Variants in NELL1 observed in about 807,000 individuals in gnomAD.
The protein encoded by NELL1 is protein kinase C-binding protein NELL1.
In NELL1, 76 loss-of-function variants were observed where a neutral mutation model predicts 107.4. The observed-to-expected ratio is 0.71, with a 90% CI of 0.59 to 0.86. NELL1 has a LOEUF of 0.86. Among genes scored for constraint, NELL1 ranks in the 40% least tolerant of loss-of-function variants. The pLI, the probability that NELL1 is intolerant of heterozygous loss-of-function variation, is 0.00. For synonymous variants in NELL1, 353 were observed against 341.2 expected (o/e 1.03, Z -0.38); for missense variants, 1,024 against 1,005.5 (o/e 1.02, Z -0.25).
At chr11:20,709,063 T>C (rs1334720295) in intron 2 of NELL1, among the ~76,000 whole-genome samples, 3 of 152,200 alleles carry the variant, frequency 2.0e-5, no homozygotes, top group Non-Finnish European at 4.4e-5. Flanking sequence ...TAATGCTTGC[T>C]TCTTTACTGC....
At chr11:21,527,146 C>A (rs1855875433) in intron 15 of NELL1, among the ~76,000 whole-genome samples, 1 of 152,182 alleles carries the variant, frequency 6.6e-6, no homozygotes, top group African/African-American at 2.4e-5. Flanking sequence ...TTCCACAGAT[C>A]TCTAGGGCAG....
intron 15 of NELL1, among the ~76,000 whole-genome samples, chr11:21,392,688 T>C (rs577017064): frequency 6.6e-6 from 1 of 151,866 alleles, no homozygotes; most frequent in Non-Finnish European, 1.5e-5. Flanking sequence ...ACAATAATAA[T>C]ATAACTGACC....
chr11:20,804,650 T>G (rs1029808800), intron 3 of NELL1, among the ~76,000 whole-genome samples: 2 of 152,244 alleles, frequency 1.3e-5, no homozygotes, highest in African/African-American at 4.8e-5. Flanking sequence ...AGAAGATACT[T>G]CATGTTATTT....
intron 5 of NELL1, among the ~76,000 whole-genome samples, chr11:20,908,014 G>T (rs755610319): frequency 6.6e-6 from 1 of 152,020 alleles, no homozygotes; most frequent in Non-Finnish European, 1.5e-5. Flanking sequence ...ACCATCTTAC[G>T]CCAGTCAGAA....
chr11:20,705,134 G>A (rs7943497), intron 2 of NELL1, among the ~76,000 whole-genome samples: 128,907 of 152,146 alleles, frequency 0.85, 55,035 homozygotes, highest in Non-Finnish European at 0.87. Context: ...GCTACCAATG[G>A]CTTTCTTCAC....
chr11:20,749,468 G>A (rs1189684017), intron 2 of NELL1, among the ~76,000 whole-genome samples: 3 of 152,002 alleles, frequency 2.0e-5, no homozygotes, highest in African/African-American at 7.2e-5. Flanking sequence ...AGGCATAGTG[G>A]TATGTGCTTG....
At chr11:20,924,779 T>C (rs1452766353) in intron 7 of NELL1, among the ~76,000 whole-genome samples, 4 of 152,204 alleles carry the variant, frequency 2.6e-5, no homozygotes. Context: ...TCCAAGGTCA[T>C]ATATCTGTTA....
chr11:20,848,355 G>T (rs1469686426), intron 4 of NELL1, among the ~76,000 whole-genome samples: 2 of 152,124 alleles, frequency 1.3e-5, no homozygotes, highest in Admixed American at 6.5e-5. Context: ...TTTGGGTTGG[G>T]GTGGGATGGA....
At chr11:21,147,000 C>A (rs138561572) in intron 13 of NELL1, among the ~76,000 whole-genome samples, 1 of 152,166 alleles carries the variant, frequency 6.6e-6, no homozygotes, top group Admixed American at 6.5e-5. Context: ...GCCAAGATTG[C>A]ACCACTGCGC....
At chr11:20,715,451 T>G (rs34644836) in intron 2 of NELL1, among the ~76,000 whole-genome samples, 15,120 of 152,182 alleles carry the variant, frequency 0.099, 897 homozygotes, top group Non-Finnish European at 0.13. Flanking sequence ...TCATTTGTGA[T>G]CACACATTAG....
intron 15 of NELL1, among the ~76,000 whole-genome samples, chr11:21,460,753 A>G (rs1853880323): frequency 1.3e-5 from 2 of 152,088 alleles, no homozygotes; most frequent in South Asian, 4.1e-4. Context: ...TTCTGCTCCA[A>G]TAACTTAGTA....
intron 11 of NELL1, among the ~76,000 whole-genome samples, chr11:20,948,765 T>TAAA (rs35915453): frequency 1.0e-4 from 11 of 107,292 alleles, no homozygotes; most frequent in African/African-American, 1.4e-4. Flanking sequence ...TTCAAAATCT[T>TAAA]AAAAAAAAAA....
intron 15 of NELL1, among the ~76,000 whole-genome samples, chr11:21,389,927 A>G (rs1851830550): frequency 6.6e-6 from 1 of 151,796 alleles, no homozygotes; most frequent in Non-Finnish European, 1.5e-5. Context: ...ATACCTATAT[A>G]TCTAGGAATA....
intron 14 of NELL1, among the ~76,000 whole-genome samples, chr11:21,234,904 A>G (rs547012385): frequency 5.3e-5 from 8 of 152,294 alleles, no homozygotes; most frequent in African/African-American, 1.4e-4. Context: ...CACAGGCAAT[A>G]TGAGAGAAAG....
chr11:21,516,533 G>A (rs4382905), intron 15 of NELL1, among the ~76,000 whole-genome samples: 20,510 of 151,998 alleles, frequency 0.13, 1,485 homozygotes, highest in Admixed American at 0.2. Context: ...TACTACACAC[G>A]TAGGCTATGT....
chr11:21,465,590 C>G (rs1393047874), intron 15 of NELL1, among the ~76,000 whole-genome samples: 1 of 151,990 alleles, frequency 6.6e-6, no homozygotes, highest in Non-Finnish European at 1.5e-5. Flanking sequence ...TAGTTTTTTT[C>G]TCTTTCTCTC....
chr11:20,913,452 G>A (rs1850177153), intron 5 of NELL1, among the ~76,000 whole-genome samples: 1 of 152,114 alleles, frequency 6.6e-6, no homozygotes, highest in South Asian at 2.1e-4. Context: ...CCATACACAA[G>A]AGGGACCTAA....
intron 13 of NELL1, among the ~76,000 whole-genome samples, chr11:21,187,214 G>A (rs1342459911): frequency 2.0e-5 from 3 of 151,784 alleles, no homozygotes; most frequent in South Asian, 4.1e-4. Flanking sequence ...TGACAGAAGC[G>A]AGCCAGAAGC....
intron 15 of NELL1, among the ~76,000 whole-genome samples, chr11:21,512,033 G>C (rs554811907): frequency 1.3e-4 from 20 of 152,148 alleles, no homozygotes; most frequent in Non-Finnish European, 2.4e-4. Context: ...TGCCTATTTG[G>C]TGCCACCTGG....
Sources: gnomAD v4.1 joint callset for allele counts (sites outside exome capture counted in the v4.1 genomes callset) on GRCh38, gnomAD v4.1.1 for gene constraint, MANE v1.5 for transcripts, NCBI Gene and HGNC (gene_info 2026-07-23, HGNC 2026-07-21) for gene names.